The following TAF4B variants were observed in gnomAD, a reference collection of about 807,000 sequenced individuals.
TAF4B encodes TATA-box binding protein associated factor 4b, also known as transcription initiation factor TFIID subunit 4B.
TAF4B carries 38 observed loss-of-function variants against 86.4 expected under a neutral mutation model. That is an observed-to-expected ratio of 0.44 (90% CI 0.34 to 0.58). The LOEUF (loss-of-function observed/expected upper bound fraction) is 0.58, where lower values mean the gene tolerates loss of function less well. Among genes scored for constraint, TAF4B ranks in the 20% least tolerant of loss-of-function variants. The pLI, the probability that TAF4B is intolerant of heterozygous loss-of-function variation, is 0.02. For synonymous variants in TAF4B, 388 were observed against 391.2 expected (o/e 0.99, Z 0.10); for missense variants, 988 against 1,027.6 (o/e 0.96, Z 0.53).
chr18:26,343,186 C>G (rs763645923), intron 13 of TAF4B, among the ~76,000 whole-genome samples: 17 of 152,168 alleles, frequency 1.1e-4, no homozygotes, highest in Non-Finnish European at 1.5e-4. Flanking sequence ...GATTCTAGAC[C>G]TGGATGCAAT....
chr18:26,359,669 T>TA (rs772885046), intron 14 of TAF4B, among the ~76,000 whole-genome samples: 1 of 152,302 alleles, frequency 6.6e-6, no homozygotes, highest in East Asian at 1.9e-4. Context: ...CTTATACTGT[T>TA]ATATAGCACC....
At chr18:26,349,181 G>A (rs543284595) in intron 13 of TAF4B, among the ~76,000 whole-genome samples, 1 of 152,166 alleles carries the variant, frequency 6.6e-6, no homozygotes, top group African/African-American at 2.4e-5. Context: ...GCTGAAGTTT[G>A]GGGTACGATT....
intron 14 of TAF4B, among the ~76,000 whole-genome samples, chr18:26,375,573 T>C (rs894327775): frequency 2.0e-5 from 3 of 152,210 alleles, no homozygotes; most frequent in African/African-American, 7.2e-5. Flanking sequence ...TGTTATTGCC[T>C]TTTAAAAATT....
chr18:26,334,845 CTT>C (rs1294024571), intron 12 of TAF4B, among the ~76,000 whole-genome samples: 1 of 152,212 alleles, frequency 6.6e-6, no homozygotes, highest in East Asian at 1.9e-4. Flanking sequence ...AACAATTACT[CTT>C]TTTTTCTTTT....
chr18:26,271,988 G>GAA (rs71169840), intron 3 of TAF4B, among the ~76,000 whole-genome samples: 8 of 144,834 alleles, frequency 5.5e-5, no homozygotes, highest in Non-Finnish European at 3.0e-5. Context: ...TAGGCGAAAA[G>GAA]AAAAAAAAAA....
At chr18:26,233,104 G>A (rs973728118) in intron 1 of TAF4B, among the ~76,000 whole-genome samples, 5 of 152,266 alleles carry the variant, frequency 3.3e-5, no homozygotes, top group South Asian at 2.1e-4. Flanking sequence ...ATATGGCTTC[G>A]CTGGGTAGAC....
At chr18:26,295,716 A>G (rs2056654669) in intron 9 of TAF4B, among the ~76,000 whole-genome samples, 1 of 152,182 alleles carries the variant, frequency 6.6e-6, no homozygotes, top group Admixed American at 6.5e-5. Context: ...TACTTGAAGG[A>G]CAGCTTGGCT....
intron 5 of TAF4B, among the ~76,000 whole-genome samples, chr18:26,276,129 T>G (rs528438750): frequency 2.0e-5 from 3 of 152,228 alleles, no homozygotes; most frequent in Middle Eastern, 3.4e-3. Context: ...ACACCAAGCT[T>G]TGGGACCACA....
chr18:26,326,990 C>T (rs371240696), intron 11 of TAF4B, 25 bp from the exon 12 acceptor site: 64 of 1,607,296 alleles, frequency 4.0e-5, no homozygotes, highest in Admixed American at 1.7e-4. Flanking sequence ...CATTATAAGA[C>T]TTTCTGTTTT....
chr18:26,377,296 A>G (rs1262207597), intron 14 of TAF4B, among the ~76,000 whole-genome samples: 1 of 152,336 alleles, frequency 6.6e-6, no homozygotes, highest in South Asian at 2.1e-4. Flanking sequence ...TAGTGAAGCC[A>G]TCTGGCCCTG....
chr18:26,293,837 A>G (rs1158670112), intron 9 of TAF4B, among the ~76,000 whole-genome samples: 1 of 152,158 alleles, frequency 6.6e-6, no homozygotes, highest in Admixed American at 6.5e-5. Context: ...TACTGTTCTT[A>G]CGTCCATCAC....
chr18:26,320,133 A>G (rs1251766572), intron 10 of TAF4B, among the ~76,000 whole-genome samples: 1 of 152,230 alleles, frequency 6.6e-6, no homozygotes, highest in South Asian at 2.1e-4. Flanking sequence ...TGATGAGAAT[A>G]TAAGAGTATA....
At chr18:26,354,277 T>C (rs2057268772) in intron 13 of TAF4B, among the ~76,000 whole-genome samples, 1 of 152,208 alleles carries the variant, frequency 6.6e-6, no homozygotes, top group African/African-American at 2.4e-5. Context: ...TTTCACCCTG[T>C]TGGCCAGGCT....
chr18:26,271,014 T>TG (rs2056309066), intron 3 of TAF4B, among the ~76,000 whole-genome samples: 1 of 152,242 alleles, frequency 6.6e-6, no homozygotes, highest in Non-Finnish European at 1.5e-5. Flanking sequence ...TATTTTAAGT[T>TG]GGGCTACTCC....
At chr18:26,256,844 T>C (rs1228294722) in intron 1 of TAF4B, among the ~76,000 whole-genome samples, 1 of 152,004 alleles carries the variant, frequency 6.6e-6, no homozygotes, top group African/African-American at 2.4e-5. Flanking sequence ...CTGTCACTGT[T>C]TTCTAATTTC....
At chr18:26,383,314 G>C (rs1422250158) in intron 14 of TAF4B, among the ~76,000 whole-genome samples, 1 of 152,186 alleles carries the variant, frequency 6.6e-6, no homozygotes, top group South Asian at 2.1e-4. Context: ...TTTTTAGAAG[G>C]CTGTTGAAGT....
At chr18:26,289,392 A>G (rs1230772084) in intron 7 of TAF4B, among the ~76,000 whole-genome samples, 1 of 152,242 alleles carries the variant, frequency 6.6e-6, no homozygotes, top group Non-Finnish European at 1.5e-5. Context: ...GGTCTGAAGA[A>G]TACACACTTA....
intron 14 of TAF4B, 77 bp from the exon 15 acceptor site, chr18:26,389,768 T>C (rs1442305229): frequency 5.3e-6 from 8 of 1,499,446 alleles, no homozygotes; most frequent in South Asian, 3.9e-5. Flanking sequence ...TAGTGGGCTC[T>C]GACATGCTAG....
intron 14 of TAF4B, among the ~76,000 whole-genome samples, chr18:26,376,495 A>C (rs2057443892): frequency 6.7e-6 from 1 of 150,062 alleles, no homozygotes; most frequent in South Asian, 2.2e-4. Context: ...AGTGTATAGA[A>C]CTACTATGTA....
Sources: gnomAD v4.1 joint callset for allele counts (sites outside exome capture counted in the v4.1 genomes callset) on GRCh38, gnomAD v4.1.1 for gene constraint, MANE v1.5 for transcripts, NCBI Gene and HGNC (gene_info 2026-07-23, HGNC 2026-07-21) for gene names.